LRRC3B: variants seen among roughly 807,000 people sequenced by gnomAD.
LRRC3B encodes leucine-rich repeat-containing protein 3B.
In LRRC3B, 2 loss-of-function variants were observed where a neutral mutation model predicts 12.8. The observed-to-expected ratio is 0.16, with a 90% CI of 0.06 to 0.49. LRRC3B has a LOEUF of 0.49. Among genes scored for constraint, LRRC3B ranks in the 20% least tolerant of loss-of-function variants. The pLI, the probability that LRRC3B is intolerant of heterozygous loss-of-function variation, is 0.96. For synonymous variants in LRRC3B, 132 were observed against 122.0 expected, an observed-to-expected ratio of 1.08 and a Z score of -0.54; for missense variants, 189 against 319.4, an observed-to-expected ratio of 0.59 and a Z score of 3.11.
chr3:26,634,796 C>A (rs1698831157), intron 1 of LRRC3B, among the ~76,000 whole-genome samples: 1 of 152,160 alleles, frequency 6.6e-6, no homozygotes. Context: ...GGTTGAGGGG[C>A]TGAGCTTGGT....
chr3:26,671,365 TATATATATAGAGAG>T lies in LRRC3B; in HGVS notation c.-160-38146_-160-38133del, dbSNP rs1699732490. Among the ~76,000 whole-genome samples the T allele has an allele frequency of 1.6e-4, 7 of 43,462 alleles. No homozygotes were observed. In the South Asian group the frequency reaches 3.6e-3, roughly 22 times the overall value. The allele number at this position is 43,462 out of a possible 152,430, so 28.5% of individuals were successfully genotyped here. ...ATATATGTGTGTATATATATATATATATATATATAGAGAGAGAGAGAGAGAGAGAGAGAGAGAGA... is the reference window on the plus strand; with the variant it reads ...ATATATGTGTGTATATATATATATATAGAGAGAGAGAGAGAGAGAGAGAGA... On this transcript the variant is annotated intron_variant, in intron 1 of 1. Coordinates refer to ENST00000396641, the Ensembl canonical transcript of LRRC3B.
At chr3:26,699,441 G>A (rs1467722502) in intron 1 of LRRC3B, among the ~76,000 whole-genome samples, 2 of 152,082 alleles carry the variant, frequency 1.3e-5, no homozygotes, top group Non-Finnish European at 2.9e-5. Flanking sequence ...CTAAATTCCT[G>A]AAATTCATTA....
intron 1 of LRRC3B, among the ~76,000 whole-genome samples, chr3:26,678,786 G>T (rs1423214475): frequency 6.6e-6 from 1 of 152,152 alleles, no homozygotes; most frequent in Non-Finnish European, 1.5e-5. Flanking sequence ...TAGCACAAAA[G>T]CCTTAGAGAA....
At chr3:26,631,823 T>A (rs536960412) in intron 1 of LRRC3B, among the ~76,000 whole-genome samples, 3 of 151,496 alleles carry the variant, frequency 2.0e-5, no homozygotes, top group Admixed American at 6.6e-5. Context: ...ACATCAAATG[T>A]TCTGGGCTCT....
chr3:26,661,290 G>A (rs1362641358), intron 1 of LRRC3B, among the ~76,000 whole-genome samples: 2 of 152,186 alleles, frequency 1.3e-5, no homozygotes, highest in Admixed American at 1.3e-4. Flanking sequence ...TGTAGGTAGA[G>A]CAAGTACCCA....
At chr3:26,692,481 T>C (rs982808676) in intron 1 of LRRC3B, among the ~76,000 whole-genome samples, 1 of 152,228 alleles carries the variant, frequency 6.6e-6, no homozygotes, top group African/African-American at 2.4e-5. Context: ...AAAGTTACCA[T>C]AACAACTTAG....
At chr3:26,708,387 T>C (rs1307146640) in intron 1 of LRRC3B, among the ~76,000 whole-genome samples, 2 of 152,204 alleles carry the variant, frequency 1.3e-5, no homozygotes, top group Non-Finnish European at 2.9e-5. Context: ...GCTGGATACT[T>C]ATAGAGTAGA....
intron 1 of LRRC3B, among the ~76,000 whole-genome samples, chr3:26,662,793 C>T (rs750270398): frequency 4.6e-5 from 7 of 152,088 alleles, no homozygotes; most frequent in South Asian, 2.1e-4. Context: ...AGTCTTTTCT[C>T]GGGTTAGTGG....
chr3:26,649,680 A>C (rs1337078447), intron 1 of LRRC3B, among the ~76,000 whole-genome samples: 2 of 152,104 alleles, frequency 1.3e-5, no homozygotes, highest in Admixed American at 1.3e-4. Flanking sequence ...TCACTGACAG[A>C]TTCATCATGT....
At position 26,701,845 on chromosome 3, in the gene LRRC3B, A is replaced by C. The variant is rs78900521; in HGVS notation, c.-160-7668A>C. 2.0e-3 allele frequency among the ~76,000 whole-genome samples: 301 copies of C among 152,252 alleles called. 2 individuals carry two copies. The highest frequency in any genetic ancestry group is 7.1e-3 in the African/African-American group (295 of 41,514). ...ACAGAACATGTGTCAGCCAAGCTTTATATGGTAACTTAACCCCTTAATTCC... is the reference window on the plus strand; with the variant it reads ...ACAGAACATGTGTCAGCCAAGCTTTCTATGGTAACTTAACCCCTTAATTCC... On this transcript the variant is annotated intron_variant, in intron 1 of 1. Transcript: ENST00000396641.
At chr3:26,699,509 G>A (rs1338380319) in intron 1 of LRRC3B, among the ~76,000 whole-genome samples, 1 of 152,132 alleles carries the variant, frequency 6.6e-6, no homozygotes, top group East Asian at 1.9e-4. Flanking sequence ...TCTCAATCCT[G>A]TGTTTTTCCC....
rs186737117 is a variant in LRRC3B at position 26,684,727 on chromosome 3, C to A, written c.-160-24786C>A. Among the ~76,000 whole-genome samples the A allele has an allele frequency of 2.0e-5, 3 of 152,290 alleles. No individual in the cohort carries two copies. The East Asian group carries it at 5.8e-4, about 29-fold the overall frequency. On this transcript the variant is annotated intron_variant, in intron 1 of 1. Transcript: ENST00000396641. ...GCCTAATCACCTCTCAAAGGTATCA[C>A]CTCTTAATACTGTGGATAGCAGTTA...
chr3:26,650,238 G>C (rs1309142049), intron 1 of LRRC3B, among the ~76,000 whole-genome samples: 2 of 152,052 alleles, frequency 1.3e-5, no homozygotes, highest in Non-Finnish European at 2.9e-5. Context: ...CAAAAGTAAG[G>C]TTATGTCCTT....
chr3:26,625,677 C>T (rs771062336), intron 1 of LRRC3B, among the ~76,000 whole-genome samples: 3 of 152,186 alleles, frequency 2.0e-5, no homozygotes, highest in Non-Finnish European at 2.9e-5. Flanking sequence ...TGAGGAAAGA[C>T]TCCAAATCCA....
At chr3:26,671,523 C>CTGGGACTA (rs1346566913) in intron 1 of LRRC3B, among the ~76,000 whole-genome samples, 10 of 150,862 alleles carry the variant, frequency 6.6e-5, no homozygotes, top group Admixed American at 6.6e-4. Context: ...TCCCAAGTAG[C>CTGGGACTA]TGGGACTACA....
intron 1 of LRRC3B, among the ~76,000 whole-genome samples, chr3:26,627,294 T>TAA (rs1251633013): frequency 6.6e-6 from 1 of 152,074 alleles, no homozygotes; most frequent in Admixed American, 6.6e-5. Context: ...TCAGCCAGGG[T>TAA]AAACAGGGAG....
chr3:26,688,756 T>C (rs1325577597), intron 1 of LRRC3B, among the ~76,000 whole-genome samples: 3 of 152,066 alleles, frequency 2.0e-5, no homozygotes, highest in South Asian at 4.2e-4. Context: ...ACCTCCAACA[T>C]TGAGGATTAC....
At chr3:26,687,005 G>A (rs1216632613) in intron 1 of LRRC3B, among the ~76,000 whole-genome samples, 1 of 152,144 alleles carries the variant, frequency 6.6e-6, no homozygotes, top group East Asian at 1.9e-4. Flanking sequence ...CTAATTGAAA[G>A]CTCTCTGCTG....
Position 26,710,035 on chromosome 3 carries a change from C to T in LRRC3B, c.363C>T (p.Ser121=), listed in dbSNP as rs141944883. 292 of 1,614,058 alleles carry T rather than the reference C, an allele frequency of 1.8e-4. 1 individual carries two copies. The highest frequency in any genetic ancestry group is 1.8e-3 in the South Asian group (164 of 91,080). ...AAACCTTGCAGACTCTGGACTTGTCCGACAATCGGATTCAAAGTGTGCACA... is the reference window on the plus strand; with the variant it reads ...AAACCTTGCAGACTCTGGACTTGTCTGACAATCGGATTCAAAGTGTGCACA... The change falls in exon 2 of 2, where the codon TCC becomes TCT. Residue 121 remains serine, a synonymous_variant. Transcript: ENST00000396641.
Sources: allele counts gnomAD v4.1 joint callset (sites outside exome capture counted in the v4.1 genomes callset), GRCh38; gene constraint gnomAD v4.1.1; transcripts MANE v1.5; gene names NCBI Gene and HGNC (gene_info 2026-07-23, HGNC 2026-07-21).